Variants in PARD3B observed in about 807,000 individuals in gnomAD.
PARD3B encodes the protein par-3 family cell polarity regulator beta.
A neutral mutation model predicts 130.2 loss-of-function variants in PARD3B; 103 were observed. That is an observed-to-expected ratio of 0.79 (90% confidence interval 0.67 to 0.93). The LOEUF (loss-of-function observed/expected upper bound fraction) is 0.93. Ranked by LOEUF, PARD3B falls within the 40% of genes least tolerant of loss-of-function variation. The probability of loss-of-function intolerance (pLI) is 0.00; values close to 1 mark genes in which losing one functional copy is unlikely to be tolerated. For missense variants in PARD3B, 1,609 were observed against 1,499.2 expected (o/e 1.07, Z -1.21); for synonymous variants, 583 against 553.2 (o/e 1.05, Z -0.76).
intron 4 of PARD3B, among the ~76,000 whole-genome samples, chr2:205,074,230 A>G (rs1045075688): frequency 3.9e-5 from 6 of 152,196 alleles, no homozygotes; most frequent in Admixed American, 2.6e-4. Context: ...CAAATTGTCT[A>G]TTTGAATAAA....
At chr2:204,844,768 CAA>C (rs933156646) in intron 2 of PARD3B, among the ~76,000 whole-genome samples, 5 of 152,082 alleles carry the variant, frequency 3.3e-5, no homozygotes, top group African/African-American at 4.8e-5. Context: ...AAATTTTTCT[CAA>C]GTGTATTTTT....
At chr2:204,899,269 CCTTCCTTCCTGT>C (rs1159934494) in intron 2 of PARD3B, among the ~76,000 whole-genome samples, 4,384 of 124,674 alleles carry the variant, frequency 0.035, 126 homozygotes, top group Middle Eastern at 0.074. Context: ...TTCCTTCCTT[CCTTCCTTCCTGT>C]CTTCCTTCCT....
chr2:205,578,641 G>T (rs1241889870), intron 22 of PARD3B, among the ~76,000 whole-genome samples: 1 of 152,200 alleles, frequency 6.6e-6, no homozygotes, highest in Non-Finnish European at 1.5e-5. Context: ...CAAGGTATTG[G>T]TGGTGTCAAA....
rs568910587 is a variant in PARD3B, at chr2:205,192,530, A to G, written c.2025-675A>G. The stretch of plus-strand genomic sequence containing the variant: ...GTAATACCCTCTATCCTCAAGCAAA[A>G]TAAATAAAATATTCAGCAGAAGGAA... On this transcript the variant is annotated intron_variant, in intron 14 of 22. Transcript: ENST00000406610. 1.4e-4 allele frequency among the ~76,000 whole-genome samples: 21 copies of G among 152,332 alleles called. No individual in the cohort carries two copies. The South Asian group carries it at 3.3e-3, about 24-fold the overall frequency.
In PARD3B at chr2:204,675,315, G is replaced by A. The variant is rs1482743516; in HGVS notation, c.121-10866G>A. On this transcript the variant is annotated intron_variant, in intron 1 of 22. Transcript: ENST00000406610. The surrounding 1 kb of genome is among the most constrained non-coding windows in gnomAD (Gnocchi z 4.4). ...GCTTAAGTATATTTGCATCAATTAT[G>A]CATTAAATATCTTTAATTTTTTTTA... Among the ~76,000 whole-genome samples, 1 of 151,874 alleles carries A rather than the reference G, an allele frequency of 6.6e-6. No homozygotes were observed. The highest frequency in any genetic ancestry group is 1.5e-5 in the Non-Finnish European group (1 of 67,956).
At chr2:205,606,525 C>T (rs1308312673) in intron 22 of PARD3B, among the ~76,000 whole-genome samples, 2 of 151,878 alleles carry the variant, frequency 1.3e-5, no homozygotes, top group Non-Finnish European at 2.9e-5. Context: ...GTGGGAGCCT[C>T]CGACCACAGC....
intron 1 of PARD3B, among the ~76,000 whole-genome samples, chr2:204,633,500 C>T (rs949041624): frequency 6.6e-6 from 1 of 152,084 alleles, no homozygotes; most frequent in Non-Finnish European, 1.5e-5. Flanking sequence ...CAAATTTCAC[C>T]GATTGCCTCT....
Position 204,664,814 on chromosome 2 carries a change from G to A in PARD3B, c.121-21367G>A, listed in dbSNP as rs1333408822. Among the ~76,000 whole-genome samples, 2 of 152,166 alleles carry A rather than the reference G, an allele frequency of 1.3e-5. No individual in the cohort carries two copies. Among genetic ancestry groups the A allele is most frequent in the Non-Finnish European group, 2.9e-5 (2 of 68,034 alleles). ...TGAGCTCATTAGTGAATGCATACAG[G>A]ATGAGGTAGCCTGAAACAGTTTGAG... On this transcript the variant is annotated intron_variant, in intron 1 of 22. Transcript: ENST00000406610. This position sits in a 1 kb window ranked among gnomAD's most constrained non-coding sequence, Gnocchi z 5.2.
At chr2:205,350,924 ATTAC>A (rs907719185) in intron 18 of PARD3B, among the ~76,000 whole-genome samples, 1 of 152,272 alleles carries the variant, frequency 6.6e-6, no homozygotes, top group Admixed American at 6.5e-5. Context: ...TTAATAGTTA[ATTAC>A]TTAGTTCAAG....
chr2:204,587,594 A>T (rs775683703), intron 1 of PARD3B, among the ~76,000 whole-genome samples: 2 of 152,346 alleles, frequency 1.3e-5, no homozygotes, highest in South Asian at 4.1e-4. Context: ...TCACTTTGTA[A>T]AATCTCGAAT....
At chr2:204,743,487 G>A (rs2040092678) in intron 2 of PARD3B, among the ~76,000 whole-genome samples, 1 of 152,058 alleles carries the variant, frequency 6.6e-6, no homozygotes, top group Non-Finnish European at 1.5e-5. Context: ...GTACACTGTG[G>A]CATTTACTGG....
chr2:205,174,608 C>T (rs1029896442), intron 12 of PARD3B, among the ~76,000 whole-genome samples: 9 of 152,154 alleles, frequency 5.9e-5, no homozygotes, highest in African/African-American at 1.9e-4. Flanking sequence ...ACTTGCCCTC[C>T]AGTACAATAA....
intron 1 of PARD3B, among the ~76,000 whole-genome samples, chr2:204,654,126 T>C (rs542673200): frequency 3.6e-4 from 54 of 151,346 alleles, no homozygotes; most frequent in Non-Finnish European, 6.9e-4. Context: ...GAGGATAATC[T>C]TGCAAAATGT....
intron 22 of PARD3B, among the ~76,000 whole-genome samples, chr2:205,594,690 T>G (rs1186759583): frequency 6.6e-6 from 1 of 152,164 alleles, no homozygotes; most frequent in African/African-American, 2.4e-5. Flanking sequence ...GCCCTTGACT[T>G]TGAAGTGTCA....
chr2:205,086,741 A>G lies in PARD3B; in HGVS notation c.505-17685A>G, dbSNP rs149213241. Among the ~76,000 whole-genome samples the G allele has an allele frequency of 1.8e-3, 280 of 152,304 alleles. 2 individuals are homozygous for G. Among genetic ancestry groups the G allele is most frequent in the African/African-American group, 6.6e-3 (273 of 41,574 alleles). On this transcript the variant is annotated intron_variant, in intron 4 of 22. Coordinates refer to ENST00000406610, the MANE Select transcript of PARD3B (RefSeq NM_001302769.2). ...GTCTAATGCAGTTATAAGAGAAGCAAAGATTTAGGGCCAGCCCCCTGCTCC... is the reference window on the plus strand; with the variant it reads ...GTCTAATGCAGTTATAAGAGAAGCAGAGATTTAGGGCCAGCCCCCTGCTCC...
At position 205,158,572 on chromosome 2, in the gene PARD3B, A is replaced by G; in HGVS notation, c.1435-150A>G. 1.3e-6 allele frequency: 1 copy of G among 753,224 alleles called. No homozygotes were observed. Among genetic ancestry groups the G allele is most frequent in the Non-Finnish European group, 2.2e-6 (1 of 461,990 alleles). The allele number at this position is 753,224 out of a possible 1,614,324, so 46.7% of individuals were successfully genotyped here. ...ACTGTGGCTCCTTGTGGAGAGCTAA[A>G]CCCAGCCTTTGCCTGCCAGGAGCCG... On this transcript the variant is annotated intron_variant, in intron 10 of 22. Transcript: ENST00000406610. The surrounding 1 kb of genome is among the most constrained non-coding windows in gnomAD (Gnocchi z 5.4).
In PARD3B at chr2:205,125,732, G is replaced by C. The variant is rs754881391; in HGVS notation, c.1429G>C (p.Glu477Gln). ...CCAAGAAGGACATTTTCTGCCCCGA[G>C]AGTTGGTAATGTTCAGATCTCAGTC... ...ARQEGHFLPR[E>Q]LKGEPDCCAL... The change falls in exon 10 of 23, where the codon GAG becomes CAG. Residue 477 changes from glutamate (E) to glutamine (Q), a missense_variant. Transcript: ENST00000406610. This position sits in a 1 kb window ranked among gnomAD's most constrained non-coding sequence, Gnocchi z 4.0. The C allele has an allele frequency of 6.2e-7, 1 of 1,614,048 alleles. No individual in the cohort carries two copies.
chr2:205,596,298 A>G lies in PARD3B; in HGVS notation c.3261-19158A>G, dbSNP rs535420851. 3.3e-5 allele frequency among the ~76,000 whole-genome samples: 5 copies of G among 152,360 alleles called. No homozygotes were observed. In the South Asian group the frequency reaches 1.0e-3, roughly 32 times the overall value. On this transcript the variant is annotated intron_variant, in intron 22 of 22. Coordinates refer to ENST00000406610, the MANE Select transcript of PARD3B (RefSeq NM_001302769.2). ...TTATTTGTTGAAAATCATCTTGACA[A>G]CACAGTTCAGTAACCTTTGTGCTAT...
At chr2:205,491,800 A>G (rs35608163) in intron 20 of PARD3B, among the ~76,000 whole-genome samples, 20,982 of 152,220 alleles carry the variant, frequency 0.14, 1,945 homozygotes, top group Middle Eastern at 0.24. Context: ...ATTGAGAAAG[A>G]CAAAAGGTCA....
Sources: allele counts gnomAD v4.1 joint callset (sites outside exome capture counted in the v4.1 genomes callset), GRCh38; gene constraint gnomAD v4.1.1; non-coding constraint Gnocchi (gnomAD v3.1); transcripts MANE v1.5; gene names NCBI Gene and HGNC (gene_info 2026-07-23, HGNC 2026-07-21).